ITCH: variants seen among roughly 807,000 people sequenced by gnomAD.
The protein encoded by ITCH is E3 ubiquitin-protein ligase Itchy homolog.
ITCH carries 28 observed loss-of-function variants against 126.8 expected under a neutral mutation model. That is an observed-to-expected ratio of 0.22 (90% CI 0.16 to 0.30). The LOEUF is 0.30. ITCH is among the 10% of genes least tolerant of loss of function. The pLI is 1.00. For synonymous variants in ITCH, 342 were observed against 340.0 expected (o/e 1.01, Z -0.06); for missense variants, 631 against 1,032.4 (o/e 0.61, Z 5.33).
At chr20:34,375,842 G>A (rs1042451840) in intron 2 of ITCH, among the ~76,000 whole-genome samples, 5 of 148,852 alleles carry the variant, frequency 3.4e-5, no homozygotes, top group Non-Finnish European at 7.4e-5. Context: ...GCGAGATCCC[G>A]TCATTATATT....
At chr20:34,506,121 G>A (rs183824142) in intron 24 of ITCH, among the ~76,000 whole-genome samples, 2 of 152,116 alleles carry the variant, frequency 1.3e-5, no homozygotes, top group East Asian at 1.9e-4. Context: ...CTGGAGTGCT[G>A]TAGCTCAATC....
intron 10 of ITCH, among the ~76,000 whole-genome samples, chr20:34,443,240 G>A (rs1470276199): frequency 4.6e-5 from 7 of 151,548 alleles, no homozygotes; most frequent in Non-Finnish European, 8.8e-5. Flanking sequence ...GTCCAGGCAC[G>A]GTGGCTCGCG....
intron 2 of ITCH, among the ~76,000 whole-genome samples, chr20:34,371,137 C>T (rs189690378): frequency 1.0e-4 from 14 of 135,988 alleles, no homozygotes; most frequent in African/African-American, 3.9e-4. Flanking sequence ...CACTGCACTC[C>T]AGCCTGGGCA....
intron 14 of ITCH, among the ~76,000 whole-genome samples, chr20:34,467,677 CATTTT>C (rs1987202014): frequency 7.7e-6 from 1 of 130,678 alleles, no homozygotes; most frequent in Non-Finnish European, 1.6e-5. Flanking sequence ...TTTTCTTTTT[CATTTT>C]TTTTTTTTTT....
chr20:34,376,556 G>A (rs1371746418), intron 2 of ITCH, among the ~76,000 whole-genome samples: 1 of 152,098 alleles, frequency 6.6e-6, no homozygotes, highest in African/African-American at 2.4e-5. Flanking sequence ...GCAGATAGAA[G>A]GAGGGAAGTT....
intron 18 of ITCH, 141 bp downstream of exon 18, chr20:34,479,930 G>C: frequency 1.3e-6 from 1 of 764,074 alleles, no homozygotes; most frequent in East Asian, 2.7e-5. Flanking sequence ...ACAGAGTCTT[G>C]CTCTGTCACC....
chr20:34,460,495 A>G (rs1600396411), intron 13 of ITCH, among the ~76,000 whole-genome samples: 1 of 152,164 alleles, frequency 6.6e-6, no homozygotes, highest in East Asian at 1.9e-4. Context: ...GGAAGACCTA[A>G]AGAGAACGAT....
In ITCH at chr20:34,490,453, G is replaced by A. The variant is rs577601854; in HGVS notation, c.2319+527G>A. On this transcript the variant is annotated intron_variant, in intron 22 of 24. Transcript: ENST00000374864. ...TGGGAGGCTGAGGCGGGTGGATCAC[G>A]ACATCAGGAGATCAAGACCGTCCTG... Among the ~76,000 whole-genome samples, 29 of 152,144 alleles carry A rather than the reference G, an allele frequency of 1.9e-4. No homozygotes were observed. In the South Asian group the frequency reaches 6.0e-3, roughly 32 times the overall value.
intron 16 of ITCH, 123 bp from the exon 17 acceptor site, chr20:34,477,649 G>A: frequency 1.2e-6 from 1 of 801,546 alleles, no homozygotes; most frequent in South Asian, 1.5e-5. Flanking sequence ...ACTAGACCAT[G>A]AACACCTTTC....
chr20:34,438,862 C>T (rs567807704), intron 8 of ITCH, among the ~76,000 whole-genome samples: 1 of 152,208 alleles, frequency 6.6e-6, no homozygotes, highest in South Asian at 2.1e-4. Context: ...ATGACATGTG[C>T]GTAATATAAA....
chr20:34,378,530 C>G (rs1601753801), intron 2 of ITCH, among the ~76,000 whole-genome samples: 1 of 127,588 alleles, frequency 7.8e-6, no homozygotes, highest in Admixed American at 7.9e-5. Flanking sequence ...TGAGATATAG[C>G]AAAGTTTTTC....
chr20:34,390,669 C>T (rs144230971), intron 2 of ITCH, among the ~76,000 whole-genome samples: 1,812 of 150,754 alleles, frequency 0.012, 9 homozygotes, highest in Non-Finnish European at 0.018. Context: ...AGGCTGGTCT[C>T]GAACTCCTGA....
intron 2 of ITCH, among the ~76,000 whole-genome samples, chr20:34,381,445 G>C (rs949511012): frequency 2.1e-5 from 3 of 144,142 alleles, no homozygotes; most frequent in Non-Finnish European, 4.6e-5. Context: ...TTTTTTTTTT[G>C]AGATGGAGTC....
intron 12 of ITCH, among the ~76,000 whole-genome samples, chr20:34,453,591 T>C (rs1314697463): frequency 1.3e-5 from 2 of 152,076 alleles, no homozygotes; most frequent in Non-Finnish European, 2.9e-5. Flanking sequence ...AGTGATACTC[T>C]TTCAAAAAAC....
chr20:34,376,727 C>T (rs575317270), intron 2 of ITCH, among the ~76,000 whole-genome samples: 1 of 152,022 alleles, frequency 6.6e-6, no homozygotes, highest in African/African-American at 2.4e-5. Context: ...GACCTATTGG[C>T]TGATAGGATT....
chr20:34,407,313 C>G (rs1005660365), intron 3 of ITCH, among the ~76,000 whole-genome samples: 1 of 152,142 alleles, frequency 6.6e-6, no homozygotes, highest in Non-Finnish European at 1.5e-5. Flanking sequence ...GTCGCCCAGG[C>G]TGGAGTGCAG....
intron 17 of ITCH, 126 bp downstream of exon 17, chr20:34,477,986 C>A: frequency 8.3e-7 from 1 of 1,206,082 alleles, no homozygotes; most frequent in Non-Finnish European, 1.2e-6. Flanking sequence ...ATTATTATAC[C>A]TTTATTATGC....
At chr20:34,460,352 C>CTT (rs749083015) in intron 13 of ITCH, among the ~76,000 whole-genome samples, 71 of 108,926 alleles carry the variant, frequency 6.5e-4, no homozygotes, top group African/African-American at 9.4e-4. Context: ...CCACACCCAG[C>CTT]TTTTTTTTTT....
intron 2 of ITCH, among the ~76,000 whole-genome samples, chr20:34,370,062 C>T (rs1219113406): frequency 6.6e-6 from 1 of 150,826 alleles, no homozygotes; most frequent in African/African-American, 2.4e-5. Context: ...CATGATCACG[C>T]CACTGCACTC....
Sources: allele counts gnomAD v4.1 joint callset (sites outside exome capture counted in the v4.1 genomes callset), GRCh38; gene constraint gnomAD v4.1.1; transcripts MANE v1.5; gene names NCBI Gene and HGNC (gene_info 2026-07-23, HGNC 2026-07-21).